The following CCSER1 variants were observed in gnomAD, a reference collection of about 807,000 sequenced individuals.
The protein encoded by CCSER1 is coiled-coil serine rich protein 1, also known as serine-rich coiled-coil domain-containing protein 1.
Under a neutral mutation model 82.0 loss-of-function variants are expected in CCSER1, and 41 were observed. The ratio of observed to expected loss-of-function variants is 0.50; its 90% CI spans 0.39 to 0.65. The LOEUF (loss-of-function observed/expected upper bound fraction) is 0.65, where lower values mean the gene tolerates loss of function less well. Among genes scored for constraint, CCSER1 ranks in the 30% least tolerant of loss-of-function variants. The pLI, the probability that CCSER1 is intolerant of heterozygous loss-of-function variation, is 0.00. For missense variants in CCSER1, 1,119 were observed against 1,064.2 expected, an observed-to-expected ratio of 1.05 and a Z score of -0.72; for synonymous variants, 414 against 383.9, an observed-to-expected ratio of 1.08 and a Z score of -0.92.
At chr4:91,377,538 A>C (rs986342392) in intron 10 of CCSER1, among the ~76,000 whole-genome samples, 2 of 152,138 alleles carry the variant, frequency 1.3e-5, no homozygotes, top group Non-Finnish European at 2.9e-5. Flanking sequence ...TTGGCTGCAT[A>C]AGTGTGTTCT....
intron 10 of CCSER1, among the ~76,000 whole-genome samples, chr4:91,567,623 A>G (rs566886679): frequency 6.6e-6 from 1 of 152,206 alleles, no homozygotes; most frequent in South Asian, 2.1e-4. Context: ...ATTCTTTGCC[A>G]TTATGTAATG....
At chr4:90,335,910 G>C (rs764970789) in intron 3 of CCSER1, among the ~76,000 whole-genome samples, 1 of 152,140 alleles carries the variant, frequency 6.6e-6, no homozygotes, top group Non-Finnish European at 1.5e-5. Context: ...GAGCCATCAC[G>C]CCCGACATAG....
In CCSER1 at chr4:90,875,813, A is replaced by G. The variant is rs184777011; in HGVS notation, c.2095-47557A>G. Among the ~76,000 whole-genome samples, 4 of 152,326 alleles carry G rather than the reference A, an allele frequency of 2.6e-5. No individual in the cohort carries two copies. The East Asian group carries it at 7.7e-4, about 29-fold the overall frequency. On this transcript the variant is annotated intron_variant, in intron 8 of 10. Transcript: ENST00000509176. ...AGGTCAATGCACAGGAAGCCTAGTC[A>G]TTTGCAGATTTTCTTTGAGAATATT...
chr4:90,341,973 G>A (rs1227612079), intron 3 of CCSER1, among the ~76,000 whole-genome samples: 1 of 152,094 alleles, frequency 6.6e-6, no homozygotes, highest in African/African-American at 2.4e-5. Flanking sequence ...GGATTAGATG[G>A]CACTGATCTA....
intron 10 of CCSER1, among the ~76,000 whole-genome samples, chr4:91,555,628 CAAAA>C (rs146138930): frequency 0.035 from 5,278 of 150,974 alleles, 225 homozygotes; most frequent in South Asian, 0.16. Flanking sequence ...ACAAATCTAA[CAAAA>C]GAATGAATAT....
chr4:91,586,450 T>C (rs1477185420), intron 10 of CCSER1, among the ~76,000 whole-genome samples: 2 of 151,616 alleles, frequency 1.3e-5, no homozygotes, highest in Non-Finnish European at 3.0e-5. Context: ...CAAAGGATAT[T>C]GAGTAGTTGT....
At chr4:90,722,078 C>G (rs539550691) in intron 6 of CCSER1, among the ~76,000 whole-genome samples, 2 of 151,696 alleles carry the variant, frequency 1.3e-5, no homozygotes, top group Admixed American at 1.3e-4. Flanking sequence ...TGTGGGAGAC[C>G]TCAATCTTTA....
At chr4:91,169,757 G>A (rs143815878) in intron 10 of CCSER1, among the ~76,000 whole-genome samples, 2,814 of 151,642 alleles carry the variant, frequency 0.019, 115 homozygotes, top group African/African-American at 0.065. Context: ...AAAACTTTCT[G>A]GTAATTAAAA....
chr4:90,220,557 G>T (rs539318186), intron 1 of CCSER1, among the ~76,000 whole-genome samples: 1 of 151,998 alleles, frequency 6.6e-6, no homozygotes, highest in East Asian at 1.9e-4. Flanking sequence ...AGGTTTGATG[G>T]GCTTCAGCAT....
chr4:90,594,185 G>A (rs1211591438), intron 5 of CCSER1, among the ~76,000 whole-genome samples: 1 of 151,824 alleles, frequency 6.6e-6, no homozygotes. Flanking sequence ...AGAAAAAGAT[G>A]TTTTATTTTC....
At chr4:91,397,129 C>G (rs553253634) in intron 10 of CCSER1, among the ~76,000 whole-genome samples, 1 of 152,140 alleles carries the variant, frequency 6.6e-6, no homozygotes, top group East Asian at 1.9e-4. Flanking sequence ...TGAAATGACT[C>G]TCTTGTTTAC....
intron 3 of CCSER1, among the ~76,000 whole-genome samples, chr4:90,323,111 A>G (rs1350350184): frequency 6.6e-6 from 1 of 152,104 alleles, no homozygotes; most frequent in South Asian, 2.1e-4. Flanking sequence ...CTTCATTTTA[A>G]TGTAGCTGAG....
intron 10 of CCSER1, among the ~76,000 whole-genome samples, chr4:91,283,408 T>A (rs1743060749): frequency 1.3e-5 from 2 of 152,106 alleles, no homozygotes; most frequent in Non-Finnish European, 1.5e-5. Flanking sequence ...AAAGAGCAAC[T>A]ACTAATGCAC....
Position 91,452,410 on chromosome 4 carries a change from A to G in CCSER1, c.2218-146162A>G, listed in dbSNP as rs548911780. On this transcript the variant is annotated intron_variant, in intron 10 of 10. Coordinates refer to ENST00000509176, the MANE Select transcript of CCSER1 (RefSeq NM_001145065.2). Reference sequence around the variant, plus strand: ...TTGCCTTTTATGTGGTTTTGTCTTAATAAGGCTAATTTGTATTGGGTACAC... The same window carrying G: ...TTGCCTTTTATGTGGTTTTGTCTTAGTAAGGCTAATTTGTATTGGGTACAC... Among the ~76,000 whole-genome samples, 5 of 152,130 alleles carry G rather than the reference A, an allele frequency of 3.3e-5. No homozygotes were observed. The East Asian group carries it at 9.7e-4, about 29-fold the overall frequency.
intron 10 of CCSER1, among the ~76,000 whole-genome samples, chr4:91,495,999 A>G (rs1253017452): frequency 6.6e-6 from 1 of 151,644 alleles, no homozygotes; most frequent in Non-Finnish European, 1.5e-5. Context: ...AACTTTTACC[A>G]TGAAGAAAGT....
At chr4:90,139,199 C>G (rs193146136) in intron 1 of CCSER1, among the ~76,000 whole-genome samples, 1 of 152,272 alleles carries the variant, frequency 6.6e-6, no homozygotes, top group Non-Finnish European at 1.5e-5. Context: ...CATAGAGAAA[C>G]TCTTATTTAC....
intron 10 of CCSER1, among the ~76,000 whole-genome samples, chr4:91,189,333 T>C (rs1004590637): frequency 6.6e-6 from 1 of 152,124 alleles, no homozygotes; most frequent in African/African-American, 2.4e-5. Context: ...AAAAATCAGG[T>C]TTAGAGTACA....
intron 10 of CCSER1, among the ~76,000 whole-genome samples, chr4:91,183,438 A>G (rs1240811539): frequency 6.6e-6 from 1 of 152,234 alleles, no homozygotes; most frequent in East Asian, 1.9e-4. Flanking sequence ...GGGAGAATCC[A>G]ATTAGTTAAT....
intron 1 of CCSER1, among the ~76,000 whole-genome samples, chr4:90,139,547 T>A (rs1352405565): frequency 6.6e-6 from 1 of 152,204 alleles, no homozygotes; most frequent in East Asian, 1.9e-4. Context: ...ACAGTAATGT[T>A]CCAATTATGA....
Sources: allele counts gnomAD v4.1 joint callset (sites outside exome capture counted in the v4.1 genomes callset), GRCh38; gene constraint gnomAD v4.1.1; transcripts MANE v1.5; gene names NCBI Gene and HGNC (gene_info 2026-07-23, HGNC 2026-07-21).